CCDC102B: variants seen among roughly 807,000 people sequenced by gnomAD.
The protein encoded by CCDC102B is coiled-coil domain-containing protein 102B.
Under a neutral mutation model 57.4 loss-of-function variants are expected in CCDC102B, and 75 were observed. The ratio of observed to expected loss-of-function variants is 1.31; its 90% confidence interval spans 1.08 to 1.58. The LOEUF (loss-of-function observed/expected upper bound fraction) is 1.58. Ranked by LOEUF, CCDC102B falls within the 40% of genes most tolerant of loss-of-function variation. The pLI, the probability that CCDC102B is intolerant of heterozygous loss-of-function variation, is 0.00. For synonymous variants in CCDC102B, 206 were observed against 201.9 expected (o/e 1.02, Z -0.17); for missense variants, 636 against 582.6 (o/e 1.09, Z -0.94).
Position 68,897,390 on chromosome 18 carries a change from T to G in CCDC102B, c.1225T>G (p.Phe409Val). 1 of 1,611,986 alleles carries G rather than the reference T, an allele frequency of 6.2e-7. No individual in the cohort carries two copies. Among genetic ancestry groups the G allele is most frequent in the Non-Finnish European group, 8.5e-7 (1 of 1,179,014 alleles). Residue 409 changes from phenylalanine to valine, a missense_variant, in exon 6 of 8, where the codon TTC becomes GTC. Physicochemically the swap from Phe to Val is conservative, Grantham distance 50. Coordinates refer to ENST00000360242, the MANE Select transcript of CCDC102B (RefSeq NM_024781.3). Reference sequence around the variant, plus strand: ...AAGTGCAAACTCTCAAAGTCCTGATTTCAAGATGTCACAAATTGATCTGCA... The same window carrying G: ...AAGTGCAAACTCTCAAAGTCCTGATGTCAAGATGTCACAAATTGATCTGCA... ...RLSANSQSPD[F>V]KMSQIDLQEK... is the part of the protein sequence containing the mutation.
At chr18:68,861,154 G>A (rs1360323841) in intron 4 of CCDC102B, among the ~76,000 whole-genome samples, 1 of 151,146 alleles carries the variant, frequency 6.6e-6, no homozygotes, top group Non-Finnish European at 1.5e-5. Flanking sequence ...AAAAATACAT[G>A]CTCCAAGTAA....
Position 68,781,144 on chromosome 18 carries a change from T to C in CCDC102B, c.-66-42222T>C, listed in dbSNP as rs79069735. On this transcript the variant is annotated intron_variant, in intron 2 of 3. Coordinates refer to the CCDC102B transcript ENST00000578970. ...TGTTAGTAATTGGCTAACAACATCA[T>C]GAAAAGTACAAAACAAAATGCCTTC... 1.8e-3 allele frequency among the ~76,000 whole-genome samples: 275 copies of C among 152,224 alleles called. 3 individuals are homozygous for C. In the East Asian group the frequency reaches 0.043, roughly 24 times the overall value.
At chr18:68,788,694 C>T (rs1436695307) in intron 2 of CCDC102B, among the ~76,000 whole-genome samples, 5 of 149,484 alleles carry the variant, frequency 3.3e-5, no homozygotes, top group South Asian at 2.1e-4. Flanking sequence ...AGATCTTCCT[C>T]CATCCTTTTA....
chr18:68,951,466 T>A (rs993313857), intron 6 of CCDC102B, among the ~76,000 whole-genome samples: 12 of 152,148 alleles, frequency 7.9e-5, no homozygotes, highest in African/African-American at 2.9e-4. Context: ...TTTGAAAATA[T>A]TAACTAGTAG....
chr18:68,906,176 G>A (rs1222107468), intron 6 of CCDC102B, among the ~76,000 whole-genome samples: 1 of 152,092 alleles, frequency 6.6e-6, no homozygotes, highest in East Asian at 1.9e-4. Context: ...ACCTTTTTGG[G>A]TACTTCATTC....
chr18:68,954,212 G>A (rs931059203), intron 6 of CCDC102B, among the ~76,000 whole-genome samples: 4 of 152,118 alleles, frequency 2.6e-5, no homozygotes, highest in African/African-American at 9.7e-5. Flanking sequence ...CTGAGGTCAG[G>A]AGTTTGAGAC....
At chr18:68,715,987 G>GTGAC (rs2031945813) in intron 1 of CCDC102B, among the ~76,000 whole-genome samples, 1 of 152,180 alleles carries the variant, frequency 6.6e-6, no homozygotes, top group Non-Finnish European at 1.5e-5. Flanking sequence ...GTTATTCCTA[G>GTGAC]TGACTAGAAG....
chr18:68,733,918 C>T (rs1207397243), intron 2 of CCDC102B, among the ~76,000 whole-genome samples: 2 of 152,100 alleles, frequency 1.3e-5, no homozygotes, highest in African/African-American at 2.4e-5. Context: ...GAGTAAGGTC[C>T]GAACAACTGC....
At chr18:68,736,743 G>A (rs911976030) in intron 2 of CCDC102B, among the ~76,000 whole-genome samples, 12 of 152,062 alleles carry the variant, frequency 7.9e-5, no homozygotes, top group Non-Finnish European at 1.8e-4. Flanking sequence ...CCTATCACTA[G>A]AATAGCACGG....
chr18:68,905,862 C>T lies in CCDC102B; in HGVS notation c.1263+8434C>T, dbSNP rs1315006790. Among the ~76,000 whole-genome samples the T allele has an allele frequency of 4.3e-5, 6 of 140,500 alleles. No homozygotes were observed. In the East Asian group the frequency reaches 1.1e-3, roughly 26 times the overall value. The allele number at this position is 140,500 out of a possible 152,430, so 92.2% of individuals were successfully genotyped here. ...AGGCTGGAGTACAGTGGTGCGATCT[C>T]GGCTCACTGCAAGCTCCGCCTCCCG... On this transcript the variant is annotated intron_variant, in intron 6 of 7. Coordinates refer to ENST00000360242, the MANE Select transcript of CCDC102B (RefSeq NM_024781.3).
chr18:68,797,130 T>C (rs2035658371), upstream of CCDC102B, among the ~76,000 whole-genome samples: 1 of 151,958 alleles, frequency 6.6e-6, no homozygotes, highest in Admixed American at 6.6e-5. Context: ...GCTCGATGGG[T>C]CAATTGGCTT....
intron 5 of CCDC102B, among the ~76,000 whole-genome samples, chr18:68,890,654 A>C (rs2040042426): frequency 6.6e-6 from 1 of 152,156 alleles, no homozygotes; most frequent in East Asian, 1.9e-4. Context: ...TCCTTGCTTT[A>C]GAGATAGTAT....
At chr18:68,878,407 C>T (rs1324024215) in intron 5 of CCDC102B, among the ~76,000 whole-genome samples, 3 of 152,124 alleles carry the variant, frequency 2.0e-5, no homozygotes, top group Admixed American at 6.5e-5. Context: ...CTAGATTTGA[C>T]TACATTTGAT....
chr18:69,020,901 CA>C (rs2051815220), intron 7 of CCDC102B, among the ~76,000 whole-genome samples: 1 of 152,036 alleles, frequency 6.6e-6, no homozygotes, highest in Admixed American at 6.5e-5. Flanking sequence ...GAGATAAATT[CA>C]AACAATGAAA....
chr18:68,763,156 A>C (rs1320259297), intron 2 of CCDC102B, among the ~76,000 whole-genome samples: 3 of 152,138 alleles, frequency 2.0e-5, no homozygotes, highest in Non-Finnish European at 2.9e-5. Context: ...TGGTCTTTAA[A>C]GACCTTTTTT....
At chr18:68,805,905 A>G (rs187627098) in intron 1 of CCDC102B, among the ~76,000 whole-genome samples, 26 of 152,324 alleles carry the variant, frequency 1.7e-4, no homozygotes, top group African/African-American at 6.0e-4. Flanking sequence ...TCCCATGCCA[A>G]GACTCTACAG....
At chr18:68,835,429 A>G (rs1284060654) in intron 1 of CCDC102B, among the ~76,000 whole-genome samples, 1 of 152,176 alleles carries the variant, frequency 6.6e-6, no homozygotes, top group African/African-American at 2.4e-5. Flanking sequence ...TATTTGTTAT[A>G]ATGTGAATTA....
chr18:68,869,340 C>T (rs146142044), intron 4 of CCDC102B, among the ~76,000 whole-genome samples: 1,779 of 152,212 alleles, frequency 0.012, 33 homozygotes, highest in African/African-American at 0.041. Flanking sequence ...GCAGGAAAAC[C>T]ATTCTTTGCA....
intron 2 of CCDC102B, among the ~76,000 whole-genome samples, chr18:68,751,384 C>T (rs936407626): frequency 6.6e-6 from 1 of 152,122 alleles, no homozygotes; most frequent in African/African-American, 2.4e-5. Context: ...ATTTAACACA[C>T]GGATATTCAC....
Sources: allele counts gnomAD v4.1 joint callset (sites outside exome capture counted in the v4.1 genomes callset), GRCh38; gene constraint gnomAD v4.1.1; transcripts MANE v1.5; gene names NCBI Gene and HGNC (gene_info 2026-07-23, HGNC 2026-07-21).